SETDB1: variants seen among roughly 807,000 people sequenced by gnomAD.
The protein encoded by SETDB1 is SET domain bifurcated histone lysine methyltransferase 1.
Under a neutral mutation model 137.4 loss-of-function variants are expected in SETDB1, and 31 were observed. That is an observed-to-expected ratio of 0.23 (90% CI 0.17 to 0.30). The LOEUF (loss-of-function observed/expected upper bound fraction) is 0.30. SETDB1 is among the 10% of genes least tolerant of loss of function. The pLI, the probability that SETDB1 is intolerant of heterozygous loss-of-function variation, is 1.00. For synonymous variants in SETDB1, 548 were observed against 579.9 expected, an observed-to-expected ratio of 0.95 and a Z score of 0.79; for missense variants, 1,113 against 1,631.5, an observed-to-expected ratio of 0.68 and a Z score of 5.47.
At chr1:150,936,181 G>T (rs10888399) in intron 3 of SETDB1, among the ~76,000 whole-genome samples, 4 of 151,852 alleles carry the variant, frequency 2.6e-5, no homozygotes, top group East Asian at 1.9e-4. Flanking sequence ...AGTAGAGACA[G>T]GGTTTCACCA....
At chr1:150,956,747 CT>C (rs1012951993) in intron 14 of SETDB1, among the ~76,000 whole-genome samples, 211 of 143,924 alleles carry the variant, frequency 1.5e-3, no homozygotes, top group Middle Eastern at 3.6e-3. Flanking sequence ...GAAATAATCT[CT>C]TTTTTTTTTT....
intron 5 of SETDB1, among the ~76,000 whole-genome samples, chr1:150,942,320 G>A (rs1670189769): frequency 6.6e-6 from 1 of 151,128 alleles, no homozygotes; most frequent in African/African-American, 2.4e-5. Context: ...CACCTTGCGT[G>A]CCTGTAGTCC....
rs1374388436 is a variant in SETDB1 at position 150,929,873 on chromosome 1, T to C, written c.261-94T>C. The C allele has an allele frequency of 4.1e-6, 4 of 967,634 alleles. No homozygotes were observed. The East Asian group carries it at 1.0e-4, about 24-fold the overall frequency. 59.9% of individuals were successfully genotyped at this position (967,634 alleles called of 1,614,324 possible). A position where few individuals can be genotyped will look rare whatever the true frequency, so the allele number is the denominator to read the frequency against. On this transcript the variant is annotated intron_variant, in intron 2 of 21. Transcript: ENST00000692827. ...AATGTGGCCCATTTAAATTGAGGAC[T>C]GTCTATACTTAAATATATATACATC...
chr1:150,949,587 G>T, intron 12 of SETDB1, 62 bp downstream of exon 12: 2 of 1,505,754 alleles, frequency 1.3e-6, no homozygotes, highest in Non-Finnish European at 1.8e-6. Flanking sequence ...TGTAGGGGAA[G>T]GTTCCTTGGC....
At position 150,927,936 on chromosome 1, in the gene SETDB1, G is replaced by A. The variant is rs750494631; in HGVS notation, c.222G>A (p.Glu74=). ...CATGGGTAATACAGAAAGAATCTGA[G>A]GTGGCTCACGTTGACCAACTCTTTG... ...LETWVIQKES[E]VAHVDQLFDD... Residue 74 remains glutamate, a synonymous_variant, in exon 2 of 22, where the codon GAG becomes GAA. Transcript: ENST00000692827. The A allele has an allele frequency of 1.2e-6, 2 of 1,614,216 alleles. No homozygotes were observed. The highest frequency in any genetic ancestry group is 8.5e-7 in the Non-Finnish European group (1 of 1,180,042).
At position 150,964,614 on chromosome 1, in the gene SETDB1, C is replaced by T. The variant is rs922921224; in HGVS notation, c.*250C>T. 1.5e-6 allele frequency: 1 copy of T among 652,766 alleles called. No homozygotes were observed. Among genetic ancestry groups the T allele is most frequent in the Non-Finnish European group, 2.8e-6 (1 of 359,636 alleles). 40.4% of individuals were successfully genotyped at this position (652,766 alleles called of 1,614,324 possible). On this transcript the variant is annotated 3_prime_UTR_variant, in exon 22 of 22. Transcript: ENST00000692827. ...TCTAACCTCGGCCTGACATCCCTCCCATCCCATATTTGTCCAAGTGTTCCT... is the reference window on the plus strand; with the variant it reads ...TCTAACCTCGGCCTGACATCCCTCCTATCCCATATTTGTCCAAGTGTTCCT...
chr1:150,946,822 A>C (rs188555011), intron 9 of SETDB1, 64 bp from the exon 10 acceptor site: 1 of 1,583,550 alleles, frequency 6.3e-7, no homozygotes, highest in East Asian at 2.2e-5. Flanking sequence ...TATCCTCTAC[A>C]CAGGACAGGA....
At chr1:150,955,003 T>C (rs587634826) in intron 14 of SETDB1, among the ~76,000 whole-genome samples, 147 of 152,288 alleles carry the variant, frequency 9.7e-4, no homozygotes, top group African/African-American at 3.4e-3. Flanking sequence ...AGCGACTTCT[T>C]CAGGAAAATT....
chr1:150,936,418 G>A (rs1352816901), intron 3 of SETDB1, among the ~76,000 whole-genome samples: 2 of 152,096 alleles, frequency 1.3e-5, no homozygotes, highest in East Asian at 1.9e-4. Context: ...TAGTTCTGAC[G>A]TCTCCCTTGG....
intron 8 of SETDB1, 36 bp from the exon 9 acceptor site, chr1:150,944,882 A>C: frequency 1.2e-6 from 2 of 1,611,286 alleles, no homozygotes; most frequent in East Asian, 4.5e-5. Flanking sequence ...GACATGCCCT[A>C]CCTGCCCTCT....
chr1:150,951,605 C>T (rs938140797), intron 14 of SETDB1, 124 bp downstream of exon 14: 12 of 555,050 alleles, frequency 2.2e-5, no homozygotes, highest in African/African-American at 7.6e-5. Flanking sequence ...CCAGATGAGG[C>T]ATTTTATTAA....
At chr1:150,929,240 T>G (rs1436461384) in intron 2 of SETDB1, among the ~76,000 whole-genome samples, 2 of 152,186 alleles carry the variant, frequency 1.3e-5, no homozygotes, top group Non-Finnish European at 2.9e-5. Flanking sequence ...TTTCTCTACA[T>G]CCTCTCCAGC....
At chr1:150,946,639 G>A (rs901789275) in intron 9 of SETDB1, among the ~76,000 whole-genome samples, 46 of 152,060 alleles carry the variant, frequency 3.0e-4, no homozygotes, top group Admixed American at 3.0e-3. Flanking sequence ...GTAGAGACGG[G>A]GTTTCTCCAT....
chr1:150,927,595 G>C, intron 1 of SETDB1, 109 bp from the exon 2 acceptor site: 1 of 952,418 alleles, frequency 1.0e-6, no homozygotes, highest in Non-Finnish European at 1.6e-6. Context: ...TATTTGAATA[G>C]AATAACAGGC....
chr1:150,940,060 TGTCA>T (rs1225149861), intron 4 of SETDB1, 86 bp downstream of exon 4: 10 of 899,114 alleles, frequency 1.1e-5, no homozygotes, highest in Non-Finnish European at 1.6e-5. Flanking sequence ...TCAGTTTAGC[TGTCA>T]GTATCTAATC....
intron 3 of SETDB1, chr1:150,930,532 T>TTC (rs1558010176): frequency 7.6e-6 from 1 of 132,112 alleles, no homozygotes; most frequent in African/African-American, 2.9e-5. Context: ...TTTTTTTTTT[T>TTC]TTTTTTTTTT....
At position 150,960,956 on chromosome 1, in the gene SETDB1, T is replaced by G. The variant is rs1006477143; in HGVS notation, c.2897T>G (p.Val966Gly). 14 of 1,613,408 alleles carry G rather than the reference T, an allele frequency of 8.7e-6. No homozygotes were observed. Among genetic ancestry groups the G allele is most frequent in the South Asian group, 5.5e-5 (5 of 91,028 alleles). Residue 966 changes from valine to glycine, a missense_variant, in exon 16 of 22, where the codon GTA (valine) becomes GGA (glycine). Val to Gly is a moderately radical substitution (Grantham distance 109). Transcript: ENST00000692827. Reference protein sequence around the residue: ...PHIPVPPSIPVGGCNPPSSEE... With the variant: ...PHIPVPPSIPGGGCNPPSSEE... ...ATTCCTGTTCCTCCCTCAATCCCTG[T>G]AGGTGGCTGCAATCCACCTTCCTCC...
intron 3 of SETDB1, among the ~76,000 whole-genome samples, chr1:150,935,680 C>G (rs955692377): frequency 7.2e-5 from 11 of 152,162 alleles, no homozygotes; most frequent in Admixed American, 5.2e-4. Flanking sequence ...ATTTTCAACT[C>G]TGGAATTTCT....
rs1393069865 is a variant in SETDB1 at position 150,946,931 on chromosome 1, G to A, written c.1186G>A (p.Glu396Lys). ...GATCTATCGAGGCTCTACACGGCTG[G>A]AGCCCATGTTCAGCATGAAAACATC... ...EWIYRGSTRL[E>K]PMFSMKTSSA... Residue 396 changes from glutamate (E) to lysine (K), a missense_variant, in exon 10 of 22, where the codon GAG (glutamate) becomes AAG (lysine). This residue lies in a region of SETDB1 where 154 missense variants were observed against 303.1 expected (regional missense o/e 0.51). Transcript: ENST00000692827. The A allele has an allele frequency of 1.9e-6, 3 of 1,614,118 alleles. No individual in the cohort carries two copies. The highest frequency in any genetic ancestry group is 2.5e-6 in the Non-Finnish European group (3 of 1,179,988).
Sources: allele counts gnomAD v4.1 joint callset (sites outside exome capture counted in the v4.1 genomes callset), GRCh38; gene constraint gnomAD v4.1.1; regional missense constraint gnomAD v4.1.1; transcripts MANE v1.5; gene names NCBI Gene and HGNC (gene_info 2026-07-23, HGNC 2026-07-21).